Variants in MICU2 observed in about 807,000 individuals in gnomAD.
MICU2 encodes the protein mitochondrial calcium uptake 2.
Under a neutral mutation model 60.4 loss-of-function variants are expected in MICU2, and 64 were observed. That is an observed-to-expected ratio of 1.06 (90% CI 0.87 to 1.31). The LOEUF (loss-of-function observed/expected upper bound fraction) is 1.31, where lower values mean the gene tolerates loss of function less well. Ranked by LOEUF, MICU2 falls within the 50% of genes most tolerant of loss-of-function variation. MICU2 has a pLI of 0.00. For synonymous variants in MICU2, 201 were observed against 175.0 expected, an observed-to-expected ratio of 1.15 and a Z score of -1.17; for missense variants, 569 against 531.0, an observed-to-expected ratio of 1.07 and a Z score of -0.70.
At chr13:21,560,174 AT>A (rs1245865798) in intron 2 of MICU2, among the ~76,000 whole-genome samples, 1 of 152,086 alleles carries the variant, frequency 6.6e-6, no homozygotes, top group Non-Finnish European at 1.5e-5. Flanking sequence ...AGAAGTTCTA[AT>A]TTTAATATGG....
chr13:21,582,977 G>C (rs1244290548), intron 1 of MICU2: 1 of 154,308 alleles, frequency 6.5e-6, no homozygotes, highest in East Asian at 1.9e-4. Flanking sequence ...TTGCAGCGTG[G>C]AAACTTCATT....
At chr13:21,560,949 C>T (rs566800441) in intron 2 of MICU2, among the ~76,000 whole-genome samples, 1 of 152,160 alleles carries the variant, frequency 6.6e-6, no homozygotes, top group Non-Finnish European at 1.5e-5. Context: ...CTATTCTTGC[C>T]TAGAGTTCTC....
At chr13:21,523,966 T>C (rs1450543033) in intron 4 of MICU2, among the ~76,000 whole-genome samples, 2 of 152,126 alleles carry the variant, frequency 1.3e-5, no homozygotes, top group Non-Finnish European at 1.5e-5. Flanking sequence ...AAAATGAATA[T>C]GGTGATGTTT....
chr13:21,597,702 C>T (rs558589027), intron 1 of MICU2, among the ~76,000 whole-genome samples: 5 of 151,980 alleles, frequency 3.3e-5, no homozygotes, highest in African/African-American at 1.2e-4. Flanking sequence ...GAGGCCGAGG[C>T]GGGTGGATCA....
intron 3 of MICU2, 27 bp downstream of exon 3, chr13:21,539,630 C>A: frequency 1.2e-6 from 2 of 1,613,972 alleles, no homozygotes; most frequent in South Asian, 2.2e-5. Context: ...CAAAAACAAA[C>A]CCTGCCCCCC....
intron 2 of MICU2, among the ~76,000 whole-genome samples, chr13:21,542,170 A>C (rs994613776): frequency 6.6e-6 from 1 of 152,182 alleles, no homozygotes; most frequent in East Asian, 1.9e-4. Context: ...ACACTCTGGC[A>C]GGGTTTTCTT....
chr13:21,592,847 G>A (rs1028440578), intron 1 of MICU2, among the ~76,000 whole-genome samples: 2 of 152,162 alleles, frequency 1.3e-5, no homozygotes, highest in Non-Finnish European at 2.9e-5. Context: ...CAATAAACTA[G>A]GTATTGATGG....
At chr13:21,538,842 C>A (rs1887203185) in intron 4 of MICU2, among the ~76,000 whole-genome samples, 3 of 152,132 alleles carry the variant, frequency 2.0e-5, no homozygotes, top group African/African-American at 7.2e-5. Flanking sequence ...AAATGTCAAA[C>A]ACTTCCAGCT....
At chr13:21,501,997 T>C (rs1468061995) in intron 9 of MICU2, among the ~76,000 whole-genome samples, 2 of 152,186 alleles carry the variant, frequency 1.3e-5, no homozygotes, top group Admixed American at 1.3e-4. Context: ...TGCAGTAAAC[T>C]TGGGCTGTTC....
At chr13:21,576,182 C>T (rs1383648155) in intron 1 of MICU2, among the ~76,000 whole-genome samples, 1 of 152,182 alleles carries the variant, frequency 6.6e-6, no homozygotes, top group Non-Finnish European at 1.5e-5. Flanking sequence ...AGATATGCAA[C>T]AGACTAATAT....
intron 7 of MICU2, among the ~76,000 whole-genome samples, chr13:21,511,913 C>T (rs1036313993): frequency 3.3e-5 from 5 of 151,646 alleles, no homozygotes; most frequent in African/African-American, 1.2e-4. Flanking sequence ...AGCAGTATTT[C>T]ATGGTAATGG....
intron 1 of MICU2, among the ~76,000 whole-genome samples, chr13:21,588,986 C>A (rs1047923347): frequency 1.3e-5 from 2 of 152,148 alleles, no homozygotes; most frequent in African/African-American, 4.8e-5. Flanking sequence ...ACTAAAAATG[C>A]TATTAAAGGA....
intron 5 of MICU2, among the ~76,000 whole-genome samples, chr13:21,522,177 T>G (rs934963392): frequency 6.6e-6 from 1 of 152,238 alleles, no homozygotes; most frequent in African/African-American, 2.4e-5. Flanking sequence ...AATGCTGTTT[T>G]CCTATTCTAG....
chr13:21,511,366 ACTGTAG>A (rs1886424298), intron 7 of MICU2, among the ~76,000 whole-genome samples: 1 of 152,222 alleles, frequency 6.6e-6, no homozygotes, highest in African/African-American at 2.4e-5. Context: ...ATACAAAGAC[ACTGTAG>A]CAAGAAATAG....
chr13:21,569,424 A>G (rs1364581569), intron 1 of MICU2, among the ~76,000 whole-genome samples: 1 of 152,064 alleles, frequency 6.6e-6, no homozygotes, highest in Non-Finnish European at 1.5e-5. Flanking sequence ...GTACAAAACT[A>G]TCATCTGGAG....
intron 1 of MICU2, among the ~76,000 whole-genome samples, chr13:21,573,474 G>A (rs185599221): frequency 6.6e-5 from 10 of 152,108 alleles, no homozygotes; most frequent in Middle Eastern, 3.4e-3. Context: ...GGGTTTCACC[G>A]TCTTAGCCAG....
rs866773097 is a variant in MICU2, at chr13:21,539,684, T to G, written c.363A>C (p.Lys121Asn). ...TTTTTGTCAGCTTCTTGACTGAAGT[T>G]TTACCTACAACAAATAAGAAACATT... ...FSVMFEQMERKTSVKKLTKKD... is the reference protein window; with the variant it reads ...FSVMFEQMERNTSVKKLTKKD... The change falls in exon 3 of 12, where the codon AAA becomes AAC. Residue 121 changes from lysine (K) to asparagine (N), a missense_variant. Coordinates refer to ENST00000382374, the MANE Select transcript of MICU2 (RefSeq NM_152726.3). The G allele has an allele frequency of 6.2e-7, 1 of 1,614,030 alleles. No individual in the cohort carries two copies. Among genetic ancestry groups the G allele is most frequent in the Non-Finnish European group, 8.5e-7 (1 of 1,179,928 alleles).
intron 1 of MICU2, among the ~76,000 whole-genome samples, chr13:21,579,362 T>C (rs556753307): frequency 1.4e-5 from 2 of 143,646 alleles, no homozygotes; most frequent in African/African-American, 2.6e-5. Context: ...TTTTTTGAGA[T>C]GGAGTTTCAT....
chr13:21,575,860 C>G (rs1479849793), intron 1 of MICU2, among the ~76,000 whole-genome samples: 1 of 151,248 alleles, frequency 6.6e-6, no homozygotes, highest in Non-Finnish European at 1.5e-5. Context: ...ATTGAATGAG[C>G]TACTTTAGTT....
Sources: gnomAD v4.1 joint callset for allele counts (sites outside exome capture counted in the v4.1 genomes callset) on GRCh38, gnomAD v4.1.1 for gene constraint, MANE v1.5 for transcripts, NCBI Gene and HGNC (gene_info 2026-07-23, HGNC 2026-07-21) for gene names.